The following HSD17B2 variants were observed in gnomAD, a reference collection of about 807,000 sequenced individuals.
The protein encoded by HSD17B2 is 17-beta-hydroxysteroid dehydrogenase type 2.
HSD17B2 carries 32 observed loss-of-function variants against 26.9 expected under a neutral mutation model. That is an observed-to-expected ratio of 1.19 (90% CI 0.90 to 1.60). The LOEUF is 1.60. HSD17B2 is among the 40% of genes most tolerant of loss of function. The pLI is 0.00. For missense variants in HSD17B2, 613 were observed against 468.6 expected, an observed-to-expected ratio of 1.31 and a Z score of -2.85; for synonymous variants, 246 against 186.7, an observed-to-expected ratio of 1.32 and a Z score of -2.59.
At chr16:82,073,373 C>T (rs1567588285) in intron 3 of HSD17B2, among the ~76,000 whole-genome samples, 1 of 151,960 alleles carries the variant, frequency 6.6e-6, no homozygotes, top group African/African-American at 2.4e-5. Flanking sequence ...TACAGACGCC[C>T]CCACCACACC....
chr16:82,041,997 C>CTT lies in HSD17B2; in HGVS notation c.265+6321_265+6322dup, dbSNP rs537013953. Reference sequence around the variant, plus strand: ...GATCCTTTTCCCTTTCTTTTCTTTTCTTTTTTTTTTTTTTAATTTTTTATG... The same window carrying CTT: ...GATCCTTTTCCCTTTCTTTTCTTTTCTTTTTTTTTTTTTTTTAATTTTTTATG... On this transcript the variant is annotated intron_variant, in intron 1 of 4. Coordinates refer to ENST00000199936, the MANE Select transcript of HSD17B2 (RefSeq NM_002153.3). Among the ~76,000 whole-genome samples the CTT allele has an allele frequency of 4.8e-3, 676 of 141,662 alleles. 7 individuals are homozygous for CTT. The highest frequency in any genetic ancestry group is 0.017 in the African/African-American group (643 of 38,780). 92.9% of individuals were successfully genotyped at this position (141,662 alleles called of 152,430 possible).
At chr16:82,045,121 C>CA (rs10565056) in intron 1 of HSD17B2, among the ~76,000 whole-genome samples, 1,601 of 40,272 alleles carry the variant, frequency 0.04, 8 homozygotes, top group Non-Finnish European at 0.06. Flanking sequence ...AAACTCTGTC[C>CA]AAAAAAAAAA....
intron 3 of HSD17B2, among the ~76,000 whole-genome samples, chr16:82,078,904 G>A (rs1399725600): frequency 6.6e-6 from 1 of 152,188 alleles, no homozygotes; most frequent in African/African-American, 2.4e-5. Context: ...GGAGGGGGAA[G>A]TAGGAATGGT....
At chr16:82,088,183 A>T (rs982331631) in intron 3 of HSD17B2, among the ~76,000 whole-genome samples, 13 of 152,216 alleles carry the variant, frequency 8.5e-5, no homozygotes, top group African/African-American at 3.1e-4. Flanking sequence ...TTAGTAATCC[A>T]CATAGTAAAC....
chr16:82,044,597 T>C (rs1442729736), intron 1 of HSD17B2: 1 of 152,246 alleles, frequency 6.6e-6, no homozygotes, highest in Non-Finnish European at 1.5e-5. Context: ...GAGTTGTCAT[T>C]TGGTTCTCCT....
intron 2 of HSD17B2, among the ~76,000 whole-genome samples, chr16:82,069,306 G>T (rs1011229065): frequency 3.3e-5 from 5 of 152,154 alleles, no homozygotes; most frequent in African/African-American, 1.2e-4. Flanking sequence ...TCTTTATCCA[G>T]TCTATCATTG....
intron 3 of HSD17B2, among the ~76,000 whole-genome samples, chr16:82,076,366 T>C (rs1053950405): frequency 3.3e-5 from 5 of 152,066 alleles, no homozygotes; most frequent in African/African-American, 1.2e-4. Context: ...TTATTCCACA[T>C]AATACTGGAA....
intron 1 of HSD17B2, among the ~76,000 whole-genome samples, chr16:82,043,798 G>C (rs906120446): frequency 6.6e-6 from 1 of 151,890 alleles, no homozygotes; most frequent in African/African-American, 2.4e-5. Flanking sequence ...TCATCCACTG[G>C]GGTTTTGAAT....
intron 1 of HSD17B2, among the ~76,000 whole-genome samples, chr16:82,059,309 T>C (rs2143957936): frequency 1.3e-5 from 2 of 152,342 alleles, no homozygotes; most frequent in South Asian, 4.1e-4. Context: ...GCCTCAATAG[T>C]AGTCTGTGTT....
At chr16:82,055,036 C>A (rs1199965271) in intron 1 of HSD17B2, among the ~76,000 whole-genome samples, 1 of 152,208 alleles carries the variant, frequency 6.6e-6, no homozygotes, top group Non-Finnish European at 1.5e-5. Context: ...TCTGGCCTCA[C>A]CAGATGTCAG....
chr16:82,089,453 A>G (rs535735463), intron 3 of HSD17B2, among the ~76,000 whole-genome samples: 33 of 152,236 alleles, frequency 2.2e-4, no homozygotes, highest in African/African-American at 7.2e-4. Context: ...AGACTTCATG[A>G]GGCACTGTGA....
At position 82,043,925 on chromosome 16, in the gene HSD17B2, A is replaced by T. The variant is rs545076427; in HGVS notation, c.265+8236A>T. On this transcript the variant is annotated intron_variant, in intron 1 of 4. Coordinates refer to ENST00000199936, the MANE Select transcript of HSD17B2 (RefSeq NM_002153.3). ...GCGAACTATTCTTCCCTTGAAGTTA[A>T]CTCTGCTCTTGGAAGTCACATAATC... Among the ~76,000 whole-genome samples, 14 of 152,218 alleles carry T rather than the reference A, an allele frequency of 9.2e-5. No homozygotes were observed. The South Asian group carries it at 2.5e-3, about 27-fold the overall frequency.
At chr16:82,045,838 C>T (rs1260715424) in intron 1 of HSD17B2, among the ~76,000 whole-genome samples, 1 of 152,244 alleles carries the variant, frequency 6.6e-6, no homozygotes, top group East Asian at 1.9e-4. Flanking sequence ...TTGAGAGCTT[C>T]TGCTGGGACC....
At chr16:82,067,001 A>G (rs1433807480) in intron 1 of HSD17B2, among the ~76,000 whole-genome samples, 2 of 152,212 alleles carry the variant, frequency 1.3e-5, no homozygotes, top group African/African-American at 2.4e-5. Flanking sequence ...GGGTCAAAAG[A>G]TAGGCCAATT....
intron 1 of HSD17B2, among the ~76,000 whole-genome samples, chr16:82,065,487 C>T (rs562600943): frequency 6.6e-6 from 1 of 151,994 alleles, no homozygotes; most frequent in East Asian, 1.9e-4. Context: ...AATCCATGGC[C>T]CCCATATATC....
At chr16:82,044,244 T>G (rs1038820205) in intron 1 of HSD17B2, 1 of 152,210 alleles carries the variant, frequency 6.6e-6, no homozygotes, top group Non-Finnish European at 1.5e-5. Flanking sequence ...TGCAGGGTTC[T>G]TCACCACATG....
At chr16:82,036,570 G>A (rs1467782592) in intron 1 of HSD17B2, among the ~76,000 whole-genome samples, 1 of 152,114 alleles carries the variant, frequency 6.6e-6, no homozygotes, top group African/African-American at 2.4e-5. Context: ...TCAGGGTGAA[G>A]GCAAGAATGG....
At chr16:82,084,620 C>T (rs1179608573) in intron 3 of HSD17B2, among the ~76,000 whole-genome samples, 1 of 152,040 alleles carries the variant, frequency 6.6e-6, no homozygotes, top group African/African-American at 2.4e-5. Flanking sequence ...GTACAAAGGA[C>T]AGTTGGAAAA....
chr16:82,068,759 C>A (rs540855967), intron 2 of HSD17B2, among the ~76,000 whole-genome samples: 1 of 152,252 alleles, frequency 6.6e-6, no homozygotes, highest in Non-Finnish European at 1.5e-5. Context: ...CATTACCCTT[C>A]CTCTTCTCTT....
Sources: gnomAD v4.1 joint callset for allele counts (sites outside exome capture counted in the v4.1 genomes callset) on GRCh38, gnomAD v4.1.1 for gene constraint, MANE v1.5 for transcripts, NCBI Gene and HGNC (gene_info 2026-07-23, HGNC 2026-07-21) for gene names.